The following ALPK3 variants were observed in gnomAD, a reference collection of about 807,000 sequenced individuals.
ALPK3 encodes the protein alpha kinase 3.
A neutral mutation model predicts 140.0 loss-of-function variants in ALPK3; 102 were observed. The observed-to-expected ratio is 0.73, with a 90% confidence interval of 0.62 to 0.86. The LOEUF is 0.86. Ranked by LOEUF, ALPK3 falls within the 40% of genes least tolerant of loss-of-function variation. The pLI, the probability that ALPK3 is intolerant of heterozygous loss-of-function variation, is 0.00. For missense variants in ALPK3, 2,254 were observed against 2,208.2 expected, an observed-to-expected ratio of 1.02 and a Z score of -0.42; for synonymous variants, 938 against 898.5, an observed-to-expected ratio of 1.04 and a Z score of -0.79.
chr15:84,865,087 C>T (rs1963988887), intron 12 of ALPK3, among the ~76,000 whole-genome samples: 1 of 152,122 alleles, frequency 6.6e-6, no homozygotes, highest in South Asian at 2.1e-4. Context: ...TTTACTGTCT[C>T]TCCTCCTCCT....
intron 2 of ALPK3, among the ~76,000 whole-genome samples, chr15:84,824,335 C>T (rs1963461744): frequency 6.6e-6 from 1 of 152,252 alleles, no homozygotes; most frequent in Non-Finnish European, 1.5e-5. Flanking sequence ...GCCTCCTGAA[C>T]TGAGGACAGC....
chr15:84,864,521 C>G lies in ALPK3; in HGVS notation c.4579C>G (p.Leu1527Val). 1 of 1,614,236 alleles carries G rather than the reference C, an allele frequency of 6.2e-7. No individual in the cohort carries two copies. The highest frequency in any genetic ancestry group is 8.5e-7 in the Non-Finnish European group (1 of 1,180,044). Residue 1527 changes from leucine to valine, a missense_variant, in exon 12 of 14, where the codon CTG becomes GTG. Around this residue, in one of 3 missense-constraint regions of ALPK3, gnomAD observed 2,088 missense variants for 2,022.9 expected, o/e 1.03. Transcript: ENST00000258888. The part of the protein sequence containing the change: ...ATLEEDLGKP[L>V]ESYCSREWGC... Reference sequence around the variant, plus strand: ...CCTGGAGGAAGACCTGGGCAAGCCCCTGGAGTCTTACTGTTCTCGGGAATG... The same window carrying G: ...CCTGGAGGAAGACCTGGGCAAGCCCGTGGAGTCTTACTGTTCTCGGGAATG...
chr15:84,847,208 G>GGAGAGAGAGAGAGAGAGA (rs55944419), intron 5 of ALPK3, among the ~76,000 whole-genome samples: 3 of 116,578 alleles, frequency 2.6e-5, no homozygotes, highest in African/African-American at 3.6e-5. Flanking sequence ...GGAGAAACGG[G>GGAGAGAGAGAGAGAGAGA]GAGAGAGAGA....
In ALPK3 at chr15:84,856,835, G is replaced by C; in HGVS notation, c.2097G>C (p.Gln699His). ...GCACACAGGAAGACAGAAGGATGCA[G>C]GGAGAGAAGGGGATGCAGGGAGAGA... ...DKGTQEDRRMQGEKGMQGEKG... is the reference protein window; with the variant it reads ...DKGTQEDRRMHGEKGMQGEKG... Residue 699 changes from glutamine (Q) to histidine (H), a missense_variant, in exon 6 of 14, where the codon CAG becomes CAC. Physicochemically the swap from Gln to His is conservative, Grantham distance 24. Transcript: ENST00000258888. 6.2e-7 allele frequency: 1 copy of C among 1,613,756 alleles called. No individual in the cohort carries two copies. Among genetic ancestry groups the C allele is most frequent in the Non-Finnish European group, 8.5e-7 (1 of 1,179,734 alleles).
rs565633464 is a variant in ALPK3 at position 84,871,082 on chromosome 15, T to C, written c.*2626T>C. The stretch of plus-strand genomic sequence containing the variant: ...ATTTTGAAATTCTACAACCTGTAGA[T>C]TAACTGGTAAAATTAACCATATTCA... On this transcript the variant is annotated 3_prime_UTR_variant, in exon 14 of 14. Coordinates refer to ENST00000258888, the MANE Select transcript of ALPK3 (RefSeq NM_020778.5). The C allele has an allele frequency of 4.6e-4, 70 of 152,758 alleles. No individual in the cohort carries two copies. The highest frequency in any genetic ancestry group is 1.6e-3 in the African/African-American group (67 of 41,574). The allele number at this position is 152,758 out of a possible 1,614,324, so 9.5% of individuals were successfully genotyped here. A position where few individuals can be genotyped will look rare whatever the true frequency, so the allele number is the denominator to read the frequency against.
At chr15:84,825,219 C>T (rs544500632) in intron 2 of ALPK3, among the ~76,000 whole-genome samples, 315 of 151,916 alleles carry the variant, frequency 2.1e-3, no homozygotes, top group Non-Finnish European at 3.1e-3. Flanking sequence ...TCTCTGTCAC[C>T]AGGCTGGAGT....
chr15:84,873,182 C>T lies in ALPK3; in HGVS notation c.*4726C>T, dbSNP rs1041874663. ...AGCAGAGCCTCGTGAATGTATTTCT[C>T]GTGGCAAGAAGGGAGCTCATCTTCT... On this transcript the variant is annotated 3_prime_UTR_variant, in exon 14 of 14. Transcript: ENST00000258888. The T allele has an allele frequency of 8.5e-5, 13 of 152,178 alleles. No individual in the cohort carries two copies. The highest frequency in any genetic ancestry group is 2.6e-4 in the Admixed American group (4 of 15,278). The allele number at this position is 152,178 out of a possible 1,614,324, so 9.4% of individuals were successfully genotyped here.
In ALPK3 at chr15:84,835,530, C is replaced by A. The variant is rs1404870248; in HGVS notation, c.305-3450C>A. Among the ~76,000 whole-genome samples, 6 of 152,358 alleles carry A rather than the reference C, an allele frequency of 3.9e-5. No homozygotes were observed. The South Asian group carries it at 1.2e-3, about 32-fold the overall frequency. On this transcript the variant is annotated intron_variant, in intron 3 of 13. Transcript: ENST00000258888. ...GTAATTACCACACCACAGTGTCAGG[C>A]ACTGTCTTAGGTGGTGGGGATATAG...
In ALPK3 at chr15:84,867,284, C is replaced by T. The variant is rs1407614933; in HGVS notation, c.4724-33C>T. 5 of 1,612,450 alleles carry T rather than the reference C, an allele frequency of 3.1e-6. 1 individual carries two copies. In the South Asian group the frequency reaches 5.5e-5, roughly 18 times the overall value. On this transcript the variant is annotated intron_variant, in intron 12 of 13. Coordinates refer to ENST00000258888, the MANE Select transcript of ALPK3 (RefSeq NM_020778.5). ...TGTGGGGGCTTAGAGCCAGCCCAGA[C>T]TGGCATCAACTCCCAACTTTCTCTC...
intron 3 of ALPK3, among the ~76,000 whole-genome samples, chr15:84,828,438 G>A (rs72630466): frequency 0.046 from 7,065 of 152,150 alleles, 210 homozygotes; most frequent in East Asian, 0.086. Flanking sequence ...GGGCCCGCAG[G>A]ACCCACAAAT....
At position 84,856,566 on chromosome 15, in the gene ALPK3, G is replaced by A. The variant is rs374911318; in HGVS notation, c.1828G>A (p.Val610Met). Reference protein sequence around the residue: ...ANQRTGSKKNVQADGKIQVDG... With the variant: ...ANQRTGSKKNMQADGKIQVDG... ...CCAGAGAACTGGAAGCAAGAAGAAT[G>A]TGCAGGCAGATGGGAAGATACAAGT... The change falls in exon 6 of 14, where the codon GTG (valine) becomes ATG (methionine). Residue 610 changes from valine (V) to methionine (M), a missense_variant. By Grantham distance (21) the Val-to-Met change is conservative. Coordinates refer to ENST00000258888, the MANE Select transcript of ALPK3 (RefSeq NM_020778.5). The A allele has an allele frequency of 8.4e-5, 135 of 1,614,070 alleles. No individual in the cohort carries two copies. Among genetic ancestry groups the A allele is most frequent in the Non-Finnish European group, 1.1e-4 (131 of 1,180,034 alleles).
chr15:84,850,784 T>G (rs1157949044), intron 5 of ALPK3, among the ~76,000 whole-genome samples: 1 of 151,960 alleles, frequency 6.6e-6, no homozygotes, highest in Non-Finnish European at 1.5e-5. Flanking sequence ...GTAAAAAAGC[T>G]TACATAGAGC....
chr15:84,854,708 C>T (rs1391096242), intron 5 of ALPK3, among the ~76,000 whole-genome samples: 1 of 152,178 alleles, frequency 6.6e-6, no homozygotes, highest in Non-Finnish European at 1.5e-5. Flanking sequence ...TCTTTGGTGC[C>T]TGGCTCTTAC....
intron 5 of ALPK3, among the ~76,000 whole-genome samples, chr15:84,843,338 C>T (rs371419332): frequency 8.5e-5 from 13 of 152,246 alleles, no homozygotes; most frequent in African/African-American, 2.2e-4. Flanking sequence ...TGTGGTGGCA[C>T]GTGCCTGTAA....
At position 84,839,681 on chromosome 15, in the gene ALPK3, AC is replaced by A. The variant is rs537375112; in HGVS notation, c.423-19del. 7,447 of 1,567,886 alleles carry A rather than the reference AC, an allele frequency of 4.7e-3. 41 individuals are homozygous for A. The highest frequency in any genetic ancestry group is 5.7e-3 in the Non-Finnish European group (6,567 of 1,156,342). On this transcript the variant is annotated intron_variant, in intron 4 of 13. Coordinates refer to ENST00000258888, the MANE Select transcript of ALPK3 (RefSeq NM_020778.5). ...CACCTCCCAGGAGGGGAGAGGTGGC[AC>A]CTCCCGCTCCTACCTCTAGGTGTCG...
intron 3 of ALPK3, among the ~76,000 whole-genome samples, chr15:84,830,500 C>T (rs1017075309): frequency 6.6e-6 from 1 of 152,174 alleles, no homozygotes; most frequent in Admixed American, 6.5e-5. Context: ...AATGTGCCTT[C>T]GTTTCTCTGC....
intron 3 of ALPK3, among the ~76,000 whole-genome samples, chr15:84,836,771 G>C (rs1350648385): frequency 6.6e-6 from 1 of 152,176 alleles, no homozygotes; most frequent in African/African-American, 2.4e-5. Flanking sequence ...GGGAGTCCAT[G>C]AGCATACATA....
At chr15:84,817,629 C>T in intron 1 of ALPK3, 34 bp downstream of exon 1, 1 of 1,467,512 alleles carries the variant, frequency 6.8e-7, no homozygotes, top group Non-Finnish European at 9.0e-7. Flanking sequence ...CGGCGTCGGG[C>T]CGGCGATGCC....
In ALPK3 at chr15:84,828,604, G is replaced by A. The variant is rs534473119; in HGVS notation, c.304+999G>A. The stretch of plus-strand genomic sequence containing the variant: ...CAGCCAGTAAACAGCTTCTCACTTG[G>A]GCAGTTCTCACCCTTACTCAACCCT... On this transcript the variant is annotated intron_variant, in intron 3 of 13. Transcript: ENST00000258888. 4.6e-5 allele frequency among the ~76,000 whole-genome samples: 7 copies of A among 152,298 alleles called. No homozygotes were observed. In the East Asian group the frequency reaches 1.3e-3, roughly 29 times the overall value.
Sources: gnomAD v4.1 joint callset for allele counts (sites outside exome capture counted in the v4.1 genomes callset) on GRCh38, gnomAD v4.1.1 for gene constraint, gnomAD v4.1.1 regional missense constraint, MANE v1.5 for transcripts, NCBI Gene and HGNC (gene_info 2026-07-23, HGNC 2026-07-21) for gene names.